Variants in ATP8B4 observed in about 807,000 individuals in gnomAD.
ATP8B4 encodes the protein probable phospholipid-transporting ATPase IM.
Under a neutral mutation model 145.6 loss-of-function variants are expected in ATP8B4, and 133 were observed. That is an observed-to-expected ratio of 0.91 (90% CI 0.79 to 1.05). ATP8B4 has a LOEUF of 1.05. Ranked by LOEUF, ATP8B4 falls within the 50% of genes least tolerant of loss-of-function variation. The pLI is 0.00. For missense variants in ATP8B4, 1,458 were observed against 1,425.2 expected (o/e 1.02, Z -0.37); for synonymous variants, 507 against 492.9 (o/e 1.03, Z -0.38).
intron 2 of ATP8B4, among the ~76,000 whole-genome samples, chr15:50,103,599 A>G (rs994442583): frequency 6.6e-5 from 10 of 152,168 alleles, no homozygotes; most frequent in African/African-American, 2.4e-4. Flanking sequence ...GACACAAACA[A>G]ATGGAAACAC....
chr15:50,072,964 C>A (rs865920666), intron 3 of ATP8B4, among the ~76,000 whole-genome samples: 7 of 33,920 alleles, frequency 2.1e-4, no homozygotes, highest in South Asian at 1.2e-3. Context: ...CTCTCTCTCT[C>A]TCTCTCTCTC....
chr15:50,056,945 C>T (rs932402165), intron 3 of ATP8B4, among the ~76,000 whole-genome samples: 1 of 151,946 alleles, frequency 6.6e-6, no homozygotes, highest in Admixed American at 6.6e-5. Flanking sequence ...AGGCTGATCT[C>T]GAACTCCTGG....
intron 6 of ATP8B4, among the ~76,000 whole-genome samples, chr15:50,031,234 T>C (rs568748693): frequency 6.6e-6 from 1 of 152,240 alleles, no homozygotes; most frequent in East Asian, 1.9e-4. Context: ...TATTGTTTTT[T>C]AAAAAAAGAA....
intron 13 of ATP8B4, among the ~76,000 whole-genome samples, chr15:49,970,157 C>T (rs2044964830): frequency 6.6e-6 from 1 of 152,256 alleles, no homozygotes; most frequent in East Asian, 1.9e-4. Flanking sequence ...AAACCCACAG[C>T]CAATATCATA....
At chr15:49,990,867 AAG>A (rs1363885127) in intron 9 of ATP8B4, among the ~76,000 whole-genome samples, 2 of 152,118 alleles carry the variant, frequency 1.3e-5, no homozygotes, top group African/African-American at 4.8e-5. Context: ...TTCTCTAGCC[AAG>A]AGTTTTTTTA....
At chr15:49,900,275 A>T (rs1051482637) in intron 21 of ATP8B4, among the ~76,000 whole-genome samples, 4 of 152,226 alleles carry the variant, frequency 2.6e-5, no homozygotes, top group Non-Finnish European at 5.9e-5. Context: ...AACAACAGAC[A>T]GCTGATCGCA....
At chr15:49,920,146 T>C in intron 18 of ATP8B4, 100 bp downstream of exon 18, 2 of 1,388,370 alleles carry the variant, frequency 1.4e-6, no homozygotes. Context: ...ACATCTGCTG[T>C]GTGCAAGATG....
At chr15:50,075,345 T>A (rs556353777) in intron 2 of ATP8B4, among the ~76,000 whole-genome samples, 1 of 152,306 alleles carries the variant, frequency 6.6e-6, no homozygotes, top group African/African-American at 2.4e-5. Context: ...CACCATGAAT[T>A]GTAAGAACAA....
intron 12 of ATP8B4, among the ~76,000 whole-genome samples, chr15:49,975,619 C>T (rs546021497): frequency 1.3e-5 from 2 of 152,052 alleles, no homozygotes; most frequent in African/African-American, 4.8e-5. Context: ...ATACAAAGGG[C>T]AGAATATAAA....
At chr15:49,872,824 G>T (rs2033863360) in intron 25 of ATP8B4, among the ~76,000 whole-genome samples, 2 of 152,154 alleles carry the variant, frequency 1.3e-5, no homozygotes, top group Admixed American at 6.5e-5. Context: ...AAGAGAAAAG[G>T]GTAATTAATG....
chr15:50,072,926 CTCTCTCTCTCTCTCT>C (rs2053852403), intron 3 of ATP8B4, among the ~76,000 whole-genome samples: 15 of 9,564 alleles, frequency 1.6e-3, no homozygotes, highest in African/African-American at 5.6e-3. Flanking sequence ...CCCGGCCTCT[CTCTCTCTCTCTCTCT>C]CTCTCTCTCT....
intron 3 of ATP8B4, among the ~76,000 whole-genome samples, chr15:50,066,758 T>C (rs962001532): frequency 6.6e-6 from 1 of 152,176 alleles, no homozygotes; most frequent in Non-Finnish European, 1.5e-5. Context: ...TTAATTGAAT[T>C]AGCTCTACCC....
intron 26 of ATP8B4, 69 bp downstream of exon 26, chr15:49,866,273 CACAA>C: frequency 6.5e-7 from 1 of 1,536,936 alleles, no homozygotes; most frequent in South Asian, 1.2e-5. Flanking sequence ...CTCTACCTAA[CACAA>C]AAAATAAATT....
chr15:50,037,688 G>A (rs1306726156), intron 6 of ATP8B4, among the ~76,000 whole-genome samples: 2 of 152,162 alleles, frequency 1.3e-5, no homozygotes, highest in Non-Finnish European at 2.9e-5. Context: ...ATTGAACCAT[G>A]GGGGTCCAGG....
intron 2 of ATP8B4, among the ~76,000 whole-genome samples, chr15:50,091,338 T>A (rs1244150611): frequency 6.6e-6 from 1 of 152,196 alleles, no homozygotes; most frequent in Non-Finnish European, 1.5e-5. Context: ...AGGGGTGTTC[T>A]GTAGTAATGG....
intron 1 of ATP8B4, among the ~76,000 whole-genome samples, chr15:50,180,132 C>T (rs2044823712): frequency 6.6e-6 from 1 of 152,132 alleles, no homozygotes; most frequent in South Asian, 2.1e-4. Context: ...GCACCTTTTT[C>T]CCCAGGACCC....
chr15:49,984,873 A>G (rs577929270), intron 10 of ATP8B4, among the ~76,000 whole-genome samples: 1 of 152,300 alleles, frequency 6.6e-6, no homozygotes, highest in Non-Finnish European at 1.5e-5. Context: ...GAGACTGTTT[A>G]AATGAATATA....
chr15:50,068,910 A>T (rs1222135062), intron 3 of ATP8B4, among the ~76,000 whole-genome samples: 1 of 152,226 alleles, frequency 6.6e-6, no homozygotes, highest in Admixed American at 6.5e-5. Context: ...TTTAACATTA[A>T]TACATTTTAA....
Position 49,952,196 on chromosome 15 carries a change from T to C in ATP8B4, c.1287+9781A>G, listed in dbSNP as rs186701775. On this transcript the variant is annotated intron_variant, in intron 14 of 27. Transcript: ENST00000284509. ...TTGGGGTTGATCTTCTCGTGGAGTA[T>C]CTTAATGACGTTCTCTGTATTTCTT... Among the ~76,000 whole-genome samples, 61 of 152,302 alleles carry C rather than the reference T, an allele frequency of 4.0e-4. 1 individual carries two copies. The highest frequency in any genetic ancestry group is 1.4e-3 in the African/African-American group (59 of 41,558).
Sources: allele counts gnomAD v4.1 joint callset (sites outside exome capture counted in the v4.1 genomes callset), GRCh38; gene constraint gnomAD v4.1.1; transcripts MANE v1.5; gene names NCBI Gene and HGNC (gene_info 2026-07-23, HGNC 2026-07-21).